PMS1: variants seen among roughly 807,000 people sequenced by gnomAD.
PMS1 encodes PMS1 protein homolog 1.
A neutral mutation model predicts 93.1 loss-of-function variants in PMS1; 79 were observed. That is an observed-to-expected ratio of 0.85 (90% CI 0.71 to 1.02). PMS1 has a LOEUF of 1.02. PMS1 is among the 50% of genes least tolerant of loss of function. The pLI is 0.00. For missense variants in PMS1, 1,064 were observed against 1,085.3 expected, an observed-to-expected ratio of 0.98 and a Z score of 0.28; for synonymous variants, 335 against 363.4, an observed-to-expected ratio of 0.92 and a Z score of 0.89.
intron 1 of PMS1, 66 bp downstream of exon 1, chr2:189,784,659 C>G (rs910189790): frequency 6.6e-6 from 1 of 152,432 alleles, no homozygotes. Context: ...GTCCCCTCTA[C>G]TCGTCCTGGT....
intron 4 of PMS1, among the ~76,000 whole-genome samples, chr2:189,812,339 T>C (rs989314883): frequency 7.2e-5 from 11 of 152,100 alleles, no homozygotes; most frequent in African/African-American, 2.7e-4. Context: ...TGATTTAGAC[T>C]TCTATAACCA....
At position 189,852,745 on chromosome 2, in the gene PMS1, A is replaced by T. The variant is rs751238299; in HGVS notation, c.790A>T (p.Ser264Cys). The change falls in exon 7 of 13, where the codon AGT becomes TGT. Residue 264 changes from serine to cysteine, a missense_variant. Coordinates refer to ENST00000441310, the MANE Select transcript of PMS1 (RefSeq NM_000534.5). Reference protein sequence around the residue: ...TPERSFIFINSRPVHQKDILK... With the variant: ...TPERSFIFINCRPVHQKDILK... ...AGAAAGAAGTTTCATCTTCATAAAC[A>T]GTCGACCAGTACATCAAAAAGATAT... 6.3e-7 allele frequency: 1 copy of T among 1,591,126 alleles called. No homozygotes were observed. Among genetic ancestry groups the T allele is most frequent in the South Asian group, 1.1e-5 (1 of 90,558 alleles).
chr2:189,838,731 A>G (rs1462613164), intron 5 of PMS1, among the ~76,000 whole-genome samples: 2 of 152,200 alleles, frequency 1.3e-5, no homozygotes, highest in Admixed American at 1.3e-4. Context: ...TAAAGTACCA[A>G]AGTTTGCAAA....
intron 3 of PMS1, among the ~76,000 whole-genome samples, chr2:189,796,876 T>C (rs997636921): frequency 2.1e-5 from 3 of 141,716 alleles, no homozygotes; most frequent in African/African-American, 8.2e-5. Context: ...CTTTTACTTC[T>C]TTGGGGTATA....
chr2:189,842,115 A>G (rs1190377032), intron 5 of PMS1, among the ~76,000 whole-genome samples: 2 of 151,572 alleles, frequency 1.3e-5, no homozygotes, highest in African/African-American at 2.4e-5. Context: ...TCACTATCCA[A>G]ATTGGTTCCA....
intron 7 of PMS1, among the ~76,000 whole-genome samples, chr2:189,853,520 CT>C (rs397976954): frequency 1.6e-3 from 225 of 141,192 alleles, no homozygotes; most frequent in South Asian, 3.8e-3. Flanking sequence ...CTTTTCTTTT[CT>C]TTTTTTTTTT....
intron 1 of PMS1, 154 bp from the exon 2 acceptor site, chr2:189,791,636 T>C (rs6732054): frequency 3.5e-6 from 2 of 569,220 alleles, no homozygotes; most frequent in South Asian, 2.0e-5. Context: ...AAAGAAGAAA[T>C]AGAAGACTTA....
At chr2:189,829,684 C>T (rs1274885656) in intron 5 of PMS1, among the ~76,000 whole-genome samples, 2 of 152,222 alleles carry the variant, frequency 1.3e-5, no homozygotes, top group Non-Finnish European at 2.9e-5. Flanking sequence ...GAGCATTAAT[C>T]TTCATGCTGC....
chr2:189,875,955 CAAAAAAAAAAAAAA>C (rs561168809), intron 12 of PMS1, among the ~76,000 whole-genome samples: 1 of 46,192 alleles, frequency 2.2e-5, no homozygotes, highest in African/African-American at 8.1e-5. Context: ...GACTCTGTCT[CAAAAAAAAAAAAAA>C]AAAAAAAAAA....
intron 5 of PMS1, among the ~76,000 whole-genome samples, chr2:189,827,530 A>G (rs2052540540): frequency 6.6e-6 from 1 of 152,248 alleles, no homozygotes; most frequent in East Asian, 1.9e-4. Context: ...AAAGGTAGAA[A>G]GTTCTGCAAT....
intron 1 of PMS1, 153 bp from the exon 2 acceptor site, chr2:189,791,637 A>G (rs1265137821): frequency 1.7e-6 from 1 of 584,410 alleles, no homozygotes; most frequent in Non-Finnish European, 3.0e-6. Context: ...AAGAAGAAAT[A>G]GAAGACTTAA....
chr2:189,796,861 C>T (rs2106238357), intron 3 of PMS1, among the ~76,000 whole-genome samples: 1 of 145,344 alleles, frequency 6.9e-6, no homozygotes, highest in East Asian at 2.0e-4. Flanking sequence ...CTGTTTGAGT[C>T]CCTGCTTTTA....
intron 3 of PMS1, among the ~76,000 whole-genome samples, chr2:189,798,369 TAG>T (rs1491183650): frequency 4.6e-5 from 7 of 152,304 alleles, no homozygotes; most frequent in African/African-American, 1.4e-4. Context: ...TGTTGGAGCA[TAG>T]AGGACTAGGG....
intron 5 of PMS1, among the ~76,000 whole-genome samples, chr2:189,833,097 A>G (rs2053097232): frequency 1.3e-5 from 2 of 152,286 alleles, no homozygotes; most frequent in Non-Finnish European, 2.9e-5. Context: ...CCCAATGTCT[A>G]AAAACACACA....
chr2:189,819,705 C>T (rs2051658366), intron 5 of PMS1, among the ~76,000 whole-genome samples: 2 of 152,116 alleles, frequency 1.3e-5, no homozygotes, highest in Non-Finnish European at 1.5e-5. Flanking sequence ...ATGTCCTTTG[C>T]CCACTTTTTA....
chr2:189,792,857 G>T (rs1342489474), intron 2 of PMS1, among the ~76,000 whole-genome samples: 1 of 150,652 alleles, frequency 6.6e-6, no homozygotes, highest in Admixed American at 6.6e-5. Flanking sequence ...TTTCGCCCAG[G>T]CTGGAGTGCA....
At chr2:189,843,354 A>C (rs182472428) in intron 5 of PMS1, among the ~76,000 whole-genome samples, 1 of 152,030 alleles carries the variant, frequency 6.6e-6, no homozygotes. Context: ...ACTCGCAGTG[A>C]AAAAATCCAG....
chr2:189,828,567 G>A (rs2052649824), intron 5 of PMS1, among the ~76,000 whole-genome samples: 1 of 152,202 alleles, frequency 6.6e-6, no homozygotes, highest in South Asian at 2.1e-4. Flanking sequence ...CTCAGATTTA[G>A]CTTTTCAACC....
intron 11 of PMS1, among the ~76,000 whole-genome samples, chr2:189,869,981 A>T (rs6721150): frequency 0.049 from 7,477 of 152,072 alleles, 609 homozygotes; most frequent in African/African-American, 0.17. Flanking sequence ...GTATTTTTTT[A>T]AATCTTATTG....
Sources: allele counts gnomAD v4.1 joint callset (sites outside exome capture counted in the v4.1 genomes callset), GRCh38; gene constraint gnomAD v4.1.1; transcripts MANE v1.5; gene names NCBI Gene and HGNC (gene_info 2026-07-23, HGNC 2026-07-21).